The following CPB2 variants were observed in gnomAD, a reference collection of about 807,000 sequenced individuals.
The protein encoded by CPB2 is carboxypeptidase B2.
Under a neutral mutation model 57.0 loss-of-function variants are expected in CPB2, and 54 were observed. The observed-to-expected ratio is 0.95, with a 90% CI of 0.76 to 1.19. The LOEUF (loss-of-function observed/expected upper bound fraction) is 1.19, where lower values mean the gene tolerates loss of function less well. Ranked by LOEUF, CPB2 falls within the 50% of genes most tolerant of loss-of-function variation. CPB2 has a pLI of 0.00. For missense variants in CPB2, 426 were observed against 512.0 expected (o/e 0.83, Z 1.62); for synonymous variants, 189 against 178.1 (o/e 1.06, Z -0.49).
chr13:46,087,479 A>AT (rs749725099), intron 2 of CPB2, among the ~76,000 whole-genome samples: 1 of 152,222 alleles, frequency 6.6e-6, no homozygotes, highest in Non-Finnish European at 1.5e-5. Flanking sequence ...AAATATTTTA[A>AT]TTTCTGTTAC....
At chr13:46,060,021 TTA>T (rs1277227090) in intron 8 of CPB2, among the ~76,000 whole-genome samples, 1 of 152,192 alleles carries the variant, frequency 6.6e-6, no homozygotes, top group East Asian at 1.9e-4. Context: ...AGAATAGAGA[TTA>T]TATATTGGGT....
chr13:46,087,936 T>C, intron 1 of CPB2, 116 bp from the exon 2 acceptor site: 1 of 648,018 alleles, frequency 1.5e-6, no homozygotes, highest in Non-Finnish European at 2.7e-6. Context: ...TAAAATGTTA[T>C]TAGGACAGAG....
intron 5 of CPB2, among the ~76,000 whole-genome samples, chr13:46,077,297 C>A (rs1284087912): frequency 1.3e-5 from 2 of 152,154 alleles, no homozygotes; most frequent in Admixed American, 6.5e-5. Flanking sequence ...AGAAGACACA[C>A]AAATGGGCAA....
At chr13:46,083,182 T>C (rs2045146856) in intron 3 of CPB2, among the ~76,000 whole-genome samples, 1 of 152,254 alleles carries the variant, frequency 6.6e-6, no homozygotes, top group Admixed American at 6.5e-5. Context: ...AAGGGTTCTT[T>C]ACTTTTATTT....
rs11574990 is a variant in CPB2, at chr13:46,064,881, T to C, written c.703-140A>G. 3.2e-5 allele frequency: 21 copies of C among 662,252 alleles called. No homozygotes were observed. In the East Asian group the frequency reaches 5.8e-4, roughly 18 times the overall value. The allele number at this position is 662,252 out of a possible 1,614,324, so 41.0% of individuals were successfully genotyped here. The stretch of plus-strand genomic sequence containing the variant: ...ACCTTGCATGGCTTCATCACATCAC[T>C]GTTGTTGCAATATTCCTTTGCACGG... On this transcript the variant is annotated intron_variant, in intron 7 of 10. Coordinates refer to ENST00000181383, the MANE Select transcript of CPB2 (RefSeq NM_001872.5).
chr13:46,081,321 C>T (rs1402325095), intron 4 of CPB2, among the ~76,000 whole-genome samples: 1 of 152,132 alleles, frequency 6.6e-6, no homozygotes, highest in African/African-American at 2.4e-5. Context: ...TTATGGCATT[C>T]CCCTCTCCCC....
At chr13:46,073,326 C>T (rs965264248) in intron 6 of CPB2, 24 of 193,614 alleles carry the variant, frequency 1.2e-4, no homozygotes, top group African/African-American at 3.3e-4. Flanking sequence ...GGTTAATAGT[C>T]GTTATATCTT....
intron 7 of CPB2, 119 bp downstream of exon 7, chr13:46,067,188 T>TA (rs2044869406): frequency 2.2e-6 from 1 of 448,134 alleles, no homozygotes; most frequent in Middle Eastern, 3.3e-4. Context: ...ACAATAAAAG[T>TA]TAAAAAAAAT....
chr13:46,077,375 T>C (rs1268950082), intron 5 of CPB2, among the ~76,000 whole-genome samples: 1 of 152,178 alleles, frequency 6.6e-6, no homozygotes, highest in African/African-American at 2.4e-5. Context: ...CACAATGCAA[T>C]GTCATCTCAT....
At chr13:46,066,511 G>A (rs1308064890) in intron 7 of CPB2, among the ~76,000 whole-genome samples, 1 of 152,186 alleles carries the variant, frequency 6.6e-6, no homozygotes. Flanking sequence ...CATAATGTAA[G>A]AGCCTTATTT....
chr13:46,053,405 TA>T lies in CPB2; in HGVS notation c.*208del. The T allele has an allele frequency of 9.3e-6, 6 of 641,826 alleles. No homozygotes were observed. Among genetic ancestry groups the T allele is most frequent in the Non-Finnish European group, 1.4e-5 (6 of 438,406 alleles). The allele number at this position is 641,826 out of a possible 1,614,324, so 39.8% of individuals were successfully genotyped here. A position where few individuals can be genotyped will look rare whatever the true frequency, so the allele number is the denominator to read the frequency against. On this transcript the variant is annotated 3_prime_UTR_variant, in exon 11 of 11. Transcript: ENST00000181383. The stretch of plus-strand genomic sequence containing the variant: ...AAGAAAAAGTAGGTAACTAGACTTT[TA>T]CAATTTTTTTTAAAGGGTAAAAAGA...
intron 9 of CPB2, among the ~76,000 whole-genome samples, chr13:46,057,279 G>A (rs890881574): frequency 6.6e-6 from 1 of 152,168 alleles, no homozygotes; most frequent in South Asian, 2.1e-4. Context: ...GAAGAAAAAA[G>A]CTCAAGTATC....
chr13:46,075,203 G>C (rs769367536), intron 5 of CPB2, among the ~76,000 whole-genome samples: 1 of 152,232 alleles, frequency 6.6e-6, no homozygotes, highest in Admixed American at 6.5e-5. Context: ...TATTTAACAG[G>C]ATAGTAAGTA....
At chr13:46,090,957 C>T (rs1265752104) in intron 1 of CPB2, among the ~76,000 whole-genome samples, 1 of 152,068 alleles carries the variant, frequency 6.6e-6, no homozygotes, top group Non-Finnish European at 1.5e-5. Flanking sequence ...AACTCCTGAC[C>T]TCGTGATCCT....
chr13:46,090,119 A>G (rs2139408868), intron 1 of CPB2, among the ~76,000 whole-genome samples: 1 of 152,000 alleles, frequency 6.6e-6, no homozygotes, highest in Middle Eastern at 3.4e-3. Flanking sequence ...CTAATATCTT[A>G]GAGAACAAAC....
At chr13:46,074,976 T>A (rs926432363) in intron 5 of CPB2, among the ~76,000 whole-genome samples, 9 of 152,204 alleles carry the variant, frequency 5.9e-5, no homozygotes, top group Admixed American at 2.0e-4. Context: ...GCTATTCATC[T>A]CCAGTTGCGT....
intron 7 of CPB2, among the ~76,000 whole-genome samples, chr13:46,065,692 GT>G (rs2044845197): frequency 6.7e-6 from 1 of 148,680 alleles, no homozygotes; most frequent in African/African-American, 2.5e-5. Context: ...TTGGGATGAT[GT>G]AGCACCCTTT....
intron 5 of CPB2, 30 bp from the exon 6 acceptor site, chr13:46,074,007 A>G: frequency 7.6e-7 from 1 of 1,318,574 alleles, no homozygotes; most frequent in Non-Finnish European, 1.1e-6. Context: ...AAGTAGCAAA[A>G]ACAGTAACAA....
chr13:46,085,920 G>T (rs1225466961), intron 2 of CPB2, among the ~76,000 whole-genome samples: 1 of 152,128 alleles, frequency 6.6e-6, no homozygotes. Context: ...GGTCTCATTC[G>T]TGCCAAGGGC....
Sources: allele counts gnomAD v4.1 joint callset (sites outside exome capture counted in the v4.1 genomes callset), GRCh38; gene constraint gnomAD v4.1.1; transcripts MANE v1.5; gene names NCBI Gene and HGNC (gene_info 2026-07-23, HGNC 2026-07-21).